Variants in SLC9B1 observed in about 807,000 individuals in gnomAD.
SLC9B1 encodes the protein sodium/hydrogen exchanger 9B1.
Under a neutral mutation model 51.7 loss-of-function variants are expected in SLC9B1, and 32 were observed. The ratio of observed to expected loss-of-function variants is 0.62; its 90% CI spans 0.47 to 0.83. The LOEUF (loss-of-function observed/expected upper bound fraction) is 0.83, where lower values mean the gene tolerates loss of function less well. Among genes scored for constraint, SLC9B1 ranks in the 40% least tolerant of loss-of-function variants. The pLI is 0.00. For synonymous variants in SLC9B1, 145 were observed against 212.7 expected, an observed-to-expected ratio of 0.68 and a Z score of 2.77; for missense variants, 406 against 613.2, an observed-to-expected ratio of 0.66 and a Z score of 3.57.
chr4:102,962,273 G>C (rs1374731417), intron 3 of SLC9B1: 1 of 540,200 alleles, frequency 1.9e-6, no homozygotes, highest in Non-Finnish European at 3.8e-6. Flanking sequence ...TTTCATACAG[G>C]ATGAAGCCAT....
intron 7 of SLC9B1, among the ~76,000 whole-genome samples, chr4:102,922,275 C>T (rs1416458541): frequency 6.6e-6 from 1 of 152,166 alleles, no homozygotes; most frequent in African/African-American, 2.4e-5. Flanking sequence ...AACTGAACAA[C>T]TACATGGAAC....
At chr4:102,967,990 T>C (rs1738521884) in intron 3 of SLC9B1, among the ~76,000 whole-genome samples, 1 of 152,094 alleles carries the variant, frequency 6.6e-6, no homozygotes, top group South Asian at 2.1e-4. Context: ...ATTGGAAAAA[T>C]TGACAAGCTG....
rs578167029 is a variant in SLC9B1 at position 102,978,012 on chromosome 4, T to C, written c.211+11788A>G. 1.1e-4 allele frequency among the ~76,000 whole-genome samples: 16 copies of C among 152,248 alleles called. No homozygotes were observed. In the East Asian group the frequency reaches 2.9e-3, roughly 28 times the overall value. On this transcript the variant is annotated intron_variant, in intron 3 of 11. Coordinates refer to ENST00000296422, the MANE Select transcript of SLC9B1 (RefSeq NM_139173.4). ...TGTGATGTTCCCCTTCCTGTGTCCA[T>C]GTGTTCTCACTGTTCAATTCCCATC... is the stretch of plus-strand genomic sequence containing the variant.
At position 103,017,583 on chromosome 4, in the gene SLC9B1, T is replaced by C. The variant is rs143954814; in HGVS notation, c.-2+2016A>G. 9.5e-4 allele frequency among the ~76,000 whole-genome samples: 145 copies of C among 152,344 alleles called. 1 individual carries two copies. The East Asian group carries it at 0.02, about 21-fold the overall frequency. ...CTTTCCTTCCTTAGGGCTCTTGCAA[T>C]TGGAGTTGCCTTTACCTGTAGTGCG... On this transcript the variant is annotated intron_variant, in intron 1 of 11. Transcript: ENST00000296422.
intron 1 of SLC9B1, among the ~76,000 whole-genome samples, chr4:102,996,287 T>C (rs1488813384): frequency 6.6e-6 from 1 of 152,200 alleles, no homozygotes; most frequent in Non-Finnish European, 1.5e-5. Context: ...ATTAAAAATG[T>C]AAATCTTTTA....
chr4:102,919,538 C>A (rs1034059761), intron 7 of SLC9B1, among the ~76,000 whole-genome samples: 10 of 152,152 alleles, frequency 6.6e-5, no homozygotes, highest in African/African-American at 2.4e-4. Flanking sequence ...GTACCTGGTT[C>A]ATCTCATTGG....
chr4:102,960,714 G>C (rs559104654), intron 3 of SLC9B1, among the ~76,000 whole-genome samples: 1 of 151,396 alleles, frequency 6.6e-6, no homozygotes, highest in African/African-American at 2.4e-5. Context: ...TTTTCATTAA[G>C]CTTTACTTTC....
intron 1 of SLC9B1, among the ~76,000 whole-genome samples, chr4:103,014,637 A>G (rs901493994): frequency 1.6e-4 from 25 of 152,246 alleles, no homozygotes; most frequent in Non-Finnish European, 3.4e-4. Context: ...TGCCTAACAT[A>G]GTATATAGTA....
chr4:102,951,155 C>G (rs1220923890), intron 3 of SLC9B1, among the ~76,000 whole-genome samples: 1 of 152,168 alleles, frequency 6.6e-6, no homozygotes, highest in Non-Finnish European at 1.5e-5. Flanking sequence ...CTGGCCTCAT[C>G]CAACTTATGT....
intron 6 of SLC9B1, among the ~76,000 whole-genome samples, chr4:102,943,035 C>T (rs1260466984): frequency 6.6e-6 from 1 of 151,908 alleles, no homozygotes; most frequent in Admixed American, 6.6e-5. Flanking sequence ...ATAGACACTT[C>T]CCAAAAGAAG....
chr4:103,005,181 G>C (rs1404211555), intron 1 of SLC9B1, among the ~76,000 whole-genome samples: 4 of 151,158 alleles, frequency 2.6e-5, no homozygotes, highest in African/African-American at 9.7e-5. Flanking sequence ...ACAATATACT[G>C]TCTTCAAAAG....
chr4:102,948,913 T>C (rs994357071), intron 4 of SLC9B1, among the ~76,000 whole-genome samples: 20 of 152,196 alleles, frequency 1.3e-4, no homozygotes, highest in African/African-American at 4.8e-4. Context: ...GTCACCATTA[T>C]GCAATATATC....
rs1231836350 is a variant in SLC9B1 at position 102,911,538 on chromosome 4, C to G, written c.830-1G>C. On this transcript the variant is annotated splice_acceptor_variant, in intron 7 of 11. Coordinates refer to ENST00000296422, the MANE Select transcript of SLC9B1 (RefSeq NM_139173.4). LOFTEE classifies it high-confidence loss of function. ...GCTATGGCGTTATTAAGTATACCAC[C>G]TGTAGGGGCACACAATAAAAAAAAA... The G allele has an allele frequency of 1.3e-6, 2 of 1,575,362 alleles. No individual in the cohort carries two copies. The highest frequency in any genetic ancestry group is 3.4e-5 in the Admixed American group (2 of 58,400).
intron 3 of SLC9B1, among the ~76,000 whole-genome samples, chr4:102,967,268 C>T (rs1738478126): frequency 6.6e-6 from 1 of 152,196 alleles, no homozygotes; most frequent in Admixed American, 6.5e-5. Flanking sequence ...TTTTTCTAGT[C>T]TGCTCCTTCA....
chr4:102,992,637 T>G (rs980205896), intron 1 of SLC9B1, among the ~76,000 whole-genome samples: 5 of 152,298 alleles, frequency 3.3e-5, no homozygotes, highest in Admixed American at 2.6e-4. Context: ...ATTTATAACA[T>G]TATTAAAGCA....
intron 9 of SLC9B1, among the ~76,000 whole-genome samples, chr4:102,909,687 T>G (rs1227877028): frequency 1.3e-5 from 2 of 152,212 alleles, no homozygotes; most frequent in African/African-American, 4.8e-5. Flanking sequence ...TGTCTATAAA[T>G]AGAATACTGG....
chr4:102,945,582 T>C (rs1273130785), intron 5 of SLC9B1, among the ~76,000 whole-genome samples: 4 of 152,096 alleles, frequency 2.6e-5, no homozygotes, highest in African/African-American at 7.2e-5. Flanking sequence ...ATTAAATAGC[T>C]AATGCTACCT....
chr4:102,891,185 G>T (rs1259570760), intron 11 of SLC9B1: 1 of 151,688 alleles, frequency 6.6e-6, no homozygotes, highest in African/African-American at 2.4e-5. Context: ...AATTGAAAAA[G>T]TCTTCTTTTT....
intron 7 of SLC9B1, chr4:102,912,138 GAAA>G (rs56920618): frequency 1.1e-3 from 163 of 143,904 alleles, no homozygotes; most frequent in South Asian, 6.0e-3. Context: ...ACCTCCAAAA[GAAA>G]AAAAAAAAAA....
Sources: gnomAD v4.1 joint callset for allele counts (sites outside exome capture counted in the v4.1 genomes callset) on GRCh38, gnomAD v4.1.1 for gene constraint, MANE v1.5 for transcripts, NCBI Gene and HGNC (gene_info 2026-07-23, HGNC 2026-07-21) for gene names.